Variants in RBMS1 observed in about 807,000 individuals in gnomAD.
RBMS1 encodes RNA-binding motif, single-stranded-interacting protein 1.
A neutral mutation model predicts 62.3 loss-of-function variants in RBMS1; 17 were observed. That is an observed-to-expected ratio of 0.27 (90% CI 0.19 to 0.41). The LOEUF is 0.41. RBMS1 is among the 10% of genes least tolerant of loss of function. The pLI is 1.00. For missense variants in RBMS1, 334 were observed against 504.5 expected (o/e 0.66, Z 3.24); for synonymous variants, 172 against 170.0 (o/e 1.01, Z -0.09).
At chr2:160,347,012 T>G (rs756727814) in intron 2 of RBMS1, among the ~76,000 whole-genome samples, 2 of 152,120 alleles carry the variant, frequency 1.3e-5, no homozygotes, top group Admixed American at 6.5e-5. Context: ...TATTTTCTTA[T>G]CACCAGTGAA....
intron 7 of RBMS1, among the ~76,000 whole-genome samples, chr2:160,286,422 C>T (rs1051391627): frequency 6.6e-5 from 10 of 150,630 alleles, no homozygotes; most frequent in East Asian, 6.0e-4. Flanking sequence ...CGGGCTGCAG[C>T]GATTCTCCTG....
At chr2:160,284,130 TACAC>T in intron 9 of RBMS1, 1 of 152,518 alleles carries the variant, frequency 6.6e-6, no homozygotes, top group South Asian at 2.1e-4. Context: ...GAAATGCATG[TACAC>T]TACTGGGTTC....
intron 9 of RBMS1, chr2:160,281,670 A>C: frequency 3.8e-6 from 1 of 265,860 alleles, no homozygotes; most frequent in Admixed American, 5.0e-5. Flanking sequence ...TATCTATGCA[A>C]GGGAGATAAA....
chr2:160,382,281 A>G (rs1213570400), intron 1 of RBMS1, among the ~76,000 whole-genome samples: 2 of 152,358 alleles, frequency 1.3e-5, no homozygotes, highest in Admixed American at 1.3e-4. Context: ...TGCATTAATC[A>G]TATCATTTTC....
chr2:160,303,099 T>C (rs958772743), intron 5 of RBMS1, among the ~76,000 whole-genome samples: 8 of 152,214 alleles, frequency 5.3e-5, no homozygotes, highest in African/African-American at 1.9e-4. Context: ...CATGTGATAG[T>C]TCCTTTCCAT....
intron 1 of RBMS1, among the ~76,000 whole-genome samples, chr2:160,441,126 A>AG (rs1683393548): frequency 6.6e-6 from 1 of 152,198 alleles, no homozygotes; most frequent in African/African-American, 2.4e-5. Context: ...CACAGGATAA[A>AG]GTCGTTTTTT....
intron 12 of RBMS1, 50 bp from the exon 13 acceptor site, chr2:160,275,764 A>G: frequency 1.2e-6 from 2 of 1,611,910 alleles, no homozygotes; most frequent in Non-Finnish European, 1.7e-6. Flanking sequence ...AAAAAACCTC[A>G]GCTCTGCTAC....
chr2:160,276,332 A>ATAC (rs762410486), intron 12 of RBMS1, among the ~76,000 whole-genome samples: 1 of 151,282 alleles, frequency 6.6e-6, no homozygotes, highest in Non-Finnish European at 1.5e-5. Context: ...CAGAAGTAAA[A>ATAC]TACTACTACC....
At chr2:160,321,246 G>C (rs757647426) in intron 2 of RBMS1, among the ~76,000 whole-genome samples, 38 of 152,206 alleles carry the variant, frequency 2.5e-4, no homozygotes, top group Non-Finnish European at 3.4e-4. Flanking sequence ...GCATGAGTCC[G>C]CTCTGCCAGT....
At chr2:160,440,274 G>A (rs1452472868) in intron 1 of RBMS1, among the ~76,000 whole-genome samples, 1 of 152,002 alleles carries the variant, frequency 6.6e-6, no homozygotes, top group Admixed American at 6.6e-5. Flanking sequence ...CTGACCACAT[G>A]AACTTCATCT....
At chr2:160,276,481 C>T (rs1027424028) in intron 12 of RBMS1, among the ~76,000 whole-genome samples, 6 of 152,152 alleles carry the variant, frequency 3.9e-5, no homozygotes, top group African/African-American at 1.2e-4. Flanking sequence ...TGGGATCTGC[C>T]TAGTGGGCAA....
At chr2:160,471,612 C>G (rs1340803578) in intron 1 of RBMS1, among the ~76,000 whole-genome samples, 4 of 147,840 alleles carry the variant, frequency 2.7e-5, no homozygotes, top group Non-Finnish European at 6.0e-5. Context: ...TCTCTCGCAA[C>G]TCACAACTTG....
At chr2:160,320,938 A>G (rs1690525290) in intron 2 of RBMS1, among the ~76,000 whole-genome samples, 1 of 151,626 alleles carries the variant, frequency 6.6e-6, no homozygotes, top group East Asian at 1.9e-4. Context: ...AAGCGGGGGG[A>G]CGGTAGGTAT....
intron 2 of RBMS1, among the ~76,000 whole-genome samples, chr2:160,348,613 A>C (rs929420004): frequency 2.6e-5 from 4 of 152,094 alleles, no homozygotes; most frequent in African/African-American, 9.7e-5. Context: ...ATGACTATCA[A>C]CCTGCACTGA....
intron 6 of RBMS1, among the ~76,000 whole-genome samples, chr2:160,287,863 T>C (rs1688483996): frequency 6.6e-6 from 1 of 151,698 alleles, no homozygotes; most frequent in African/African-American, 2.4e-5. Context: ...AACTGGGTAT[T>C]GCTTTACTAT....
At chr2:160,391,511 G>A (rs1374781174) in intron 1 of RBMS1, among the ~76,000 whole-genome samples, 4 of 152,072 alleles carry the variant, frequency 2.6e-5, no homozygotes. Flanking sequence ...TGCTTCGGTA[G>A]TCTGCTTGGG....
chr2:160,367,548 A>G, intron 1 of RBMS1, 157 bp from the exon 2 acceptor site: 2 of 1,303,598 alleles, frequency 1.5e-6, no homozygotes, highest in Non-Finnish European at 2.0e-6. Context: ...TGCTACTTTA[A>G]AAAAGCCCTC....
Position 160,481,855 on chromosome 2 carries a change from T to G in RBMS1, c.75+11434A>C, listed in dbSNP as rs114911124. Among the ~76,000 whole-genome samples, 1,129 of 152,222 alleles carry G rather than the reference T, an allele frequency of 7.4e-3. 18 individuals are homozygous for G. The highest frequency in any genetic ancestry group is 0.024 in the African/African-American group (1,017 of 41,532). The stretch of plus-strand genomic sequence containing the variant: ...AAACTAAAAGACTGACAATATCAAG[T>G]TTTAGTGAGGACATAGAGCAATTAG... On this transcript the variant is annotated intron_variant, in intron 1 of 13. Coordinates refer to ENST00000348849, the MANE Select transcript of RBMS1 (RefSeq NM_016836.4).
intron 1 of RBMS1, among the ~76,000 whole-genome samples, chr2:160,492,683 A>G (rs1412934525): frequency 6.6e-6 from 1 of 152,256 alleles, no homozygotes; most frequent in Non-Finnish European, 1.5e-5. Flanking sequence ...GCGTAAAAGT[A>G]GAAATCAGTA....
Sources: allele counts gnomAD v4.1 joint callset (sites outside exome capture counted in the v4.1 genomes callset), GRCh38; gene constraint gnomAD v4.1.1; transcripts MANE v1.5; gene names NCBI Gene and HGNC (gene_info 2026-07-23, HGNC 2026-07-21).